The following VWA8 variants were observed in gnomAD, a reference collection of about 807,000 sequenced individuals.
VWA8 encodes the protein von Willebrand factor A domain-containing protein 8.
VWA8 carries 221 observed loss-of-function variants against 241.5 expected under a neutral mutation model. That is an observed-to-expected ratio of 0.91 (90% CI 0.82 to 1.02). The LOEUF (loss-of-function observed/expected upper bound fraction) is 1.02, where lower values mean the gene tolerates loss of function less well. VWA8 is among the 50% of genes least tolerant of loss of function. VWA8 has a pLI of 0.00. For synonymous variants in VWA8, 852 were observed against 827.1 expected, an observed-to-expected ratio of 1.03 and a Z score of -0.52; for missense variants, 2,322 against 2,328.7, an observed-to-expected ratio of 1.00 and a Z score of 0.06.
At chr13:41,872,951 C>T (rs1873707947) in intron 9 of VWA8, among the ~76,000 whole-genome samples, 1 of 152,114 alleles carries the variant, frequency 6.6e-6, no homozygotes, top group Non-Finnish European at 1.5e-5. Flanking sequence ...ATGGAATGTT[C>T]TTCCATTTGT....
At chr13:41,923,655 G>T (rs1250178665) in intron 2 of VWA8, among the ~76,000 whole-genome samples, 8 of 152,002 alleles carry the variant, frequency 5.3e-5, no homozygotes, top group Non-Finnish European at 1.0e-4. Context: ...CCTCATCTAA[G>T]ACTCTCCATT....
chr13:41,589,295 G>A (rs535452612), intron 41 of VWA8, among the ~76,000 whole-genome samples: 2 of 152,188 alleles, frequency 1.3e-5, no homozygotes, highest in East Asian at 3.9e-4. Context: ...TAAGGGAGAC[G>A]TTCTTATTTT....
At chr13:41,688,734 C>A (rs902560619) in intron 34 of VWA8, among the ~76,000 whole-genome samples, 1 of 151,932 alleles carries the variant, frequency 6.6e-6, no homozygotes, top group African/African-American at 2.4e-5. Flanking sequence ...GAACAAAAAA[C>A]CAAATATCAC....
chr13:41,884,579 G>GAAA (rs11441652), intron 8 of VWA8, among the ~76,000 whole-genome samples: 1 of 145,234 alleles, frequency 6.9e-6, no homozygotes. Flanking sequence ...AATGGTTCAG[G>GAAA]AAAAAAAAAA....
In VWA8 at chr13:41,690,300, T is replaced by C. The variant is rs781736517; in HGVS notation, c.3867-25A>G. The C allele has an allele frequency of 3.2e-6, 5 of 1,585,066 alleles. No homozygotes were observed. The Admixed American group carries it at 9.0e-5, about 29-fold the overall frequency. ...CCTGCAAACAAACAAAACATCTAGC[T>C]TAAGTGAAATTTTTCTTTTTCTAAT... On this transcript the variant is annotated intron_variant, in intron 32 of 44. Transcript: ENST00000379310.
chr13:41,599,707 G>T (rs538718773), intron 40 of VWA8, among the ~76,000 whole-genome samples: 2 of 152,076 alleles, frequency 1.3e-5, no homozygotes, highest in African/African-American at 4.8e-5. Context: ...TTGAAACTGC[G>T]GACAGTCCCA....
chr13:41,687,603 G>A (rs71427491), intron 34 of VWA8, among the ~76,000 whole-genome samples: 3,066 of 152,138 alleles, frequency 0.02, 68 homozygotes, highest in African/African-American at 0.058. Flanking sequence ...TGTGGCCTAG[G>A]GGATATAAGC....
At chr13:41,907,487 C>T in intron 4 of VWA8, 99 bp downstream of exon 4, 3 of 1,007,242 alleles carry the variant, frequency 3.0e-6, no homozygotes, top group Non-Finnish European at 4.6e-6. Context: ...AATACAACTA[C>T]CTTTTACTGT....
intron 29 of VWA8, among the ~76,000 whole-genome samples, chr13:41,694,076 C>A (rs1318835399): frequency 3.3e-5 from 5 of 151,770 alleles, no homozygotes; most frequent in African/African-American, 1.2e-4. Context: ...AGTGTTTGTT[C>A]ATTTTTTCCA....
At chr13:41,705,705 T>C (rs1408868832) in intron 26 of VWA8, among the ~76,000 whole-genome samples, 1 of 152,204 alleles carries the variant, frequency 6.6e-6, no homozygotes, top group East Asian at 1.9e-4. Context: ...TTGATATTAA[T>C]TTCTTCATTT....
At chr13:41,570,321 T>C in intron 44 of VWA8, 147 bp downstream of exon 44, 1 of 626,150 alleles carries the variant, frequency 1.6e-6, no homozygotes, top group South Asian at 2.6e-5. Flanking sequence ...AACTAGATTA[T>C]AAACCCCTTG....
rs1453609784 is a variant in VWA8 at position 41,567,871 on chromosome 13, T to G, written c.*326A>C. 1 of 214,094 alleles carries G rather than the reference T, an allele frequency of 4.7e-6. No individual in the cohort carries two copies. The highest frequency in any genetic ancestry group is 9.2e-6 in the Non-Finnish European group (1 of 108,632). 13.3% of individuals were successfully genotyped at this position (214,094 alleles called of 1,614,324 possible). On this transcript the variant is annotated 3_prime_UTR_variant, in exon 45 of 45. Coordinates refer to ENST00000379310, the MANE Select transcript of VWA8 (RefSeq NM_015058.2). Reference sequence around the variant, plus strand: ...GTGTTAAGGCAAAAGCAAAGTATTTTCTCCCCCTCAGGTTTTTGGAAATAG... The same window carrying G: ...GTGTTAAGGCAAAAGCAAAGTATTTGCTCCCCCTCAGGTTTTTGGAAATAG...
chr13:41,792,632 C>G (rs1227660032), intron 17 of VWA8, among the ~76,000 whole-genome samples: 1 of 151,996 alleles, frequency 6.6e-6, no homozygotes, highest in Non-Finnish European at 1.5e-5. Flanking sequence ...ACCAGCTTGT[C>G]AAATTCACTA....
rs754632242 is a variant in VWA8 at position 41,703,288 on chromosome 13, A to G, written c.3225+15T>C. 1.9e-6 allele frequency: 3 copies of G among 1,598,898 alleles called. No individual in the cohort carries two copies. The Admixed American group carries it at 5.0e-5, about 27-fold the overall frequency. Reference sequence around the variant, plus strand: ...AAGGTTCAATATTTTAAGAGAGAATAATGATGATATCAACCTTTATGTCTA... The same window carrying G: ...AAGGTTCAATATTTTAAGAGAGAATGATGATGATATCAACCTTTATGTCTA... On this transcript the variant is annotated intron_variant, in intron 27 of 44. Transcript: ENST00000379310.
intron 17 of VWA8, among the ~76,000 whole-genome samples, chr13:41,797,298 C>T (rs1447099828): frequency 6.6e-6 from 1 of 151,982 alleles, no homozygotes; most frequent in Non-Finnish European, 1.5e-5. Flanking sequence ...CCTCGGCCTC[C>T]CAAAGTGCTG....
intron 4 of VWA8, among the ~76,000 whole-genome samples, chr13:41,899,929 G>A (rs1350797541): frequency 6.6e-6 from 1 of 152,156 alleles, no homozygotes; most frequent in African/African-American, 2.4e-5. Context: ...CAATCTCGAA[G>A]TATTCTTGTT....
chr13:41,784,749 T>TACACACAC (rs1869102913), intron 18 of VWA8, among the ~76,000 whole-genome samples: 9 of 108,124 alleles, frequency 8.3e-5, no homozygotes, highest in Non-Finnish European at 1.4e-4. Flanking sequence ...TATATATATA[T>TACACACAC]ATATATATAT....
Position 41,587,681 on chromosome 13 carries a change from G to A in VWA8, c.5113-11C>T, listed in dbSNP as rs1221987291. The A allele has an allele frequency of 6.2e-7, 1 of 1,613,110 alleles. No homozygotes were observed. Among genetic ancestry groups the A allele is most frequent in the Non-Finnish European group, 8.5e-7 (1 of 1,179,404 alleles). Reference sequence around the variant, plus strand: ...TTGTGGGCTGCCAAGCTGAGGGAAGGAATAACAGAAAAGCCGTTTGTGAAC... The same window carrying A: ...TTGTGGGCTGCCAAGCTGAGGGAAGAAATAACAGAAAAGCCGTTTGTGAAC... On this transcript the variant is annotated splice_polypyrimidine_tract_variant and intron_variant, in intron 41 of 44. Coordinates refer to ENST00000379310, the MANE Select transcript of VWA8 (RefSeq NM_015058.2).
chr13:41,682,244 G>A (rs939218485), intron 35 of VWA8, among the ~76,000 whole-genome samples: 1 of 152,094 alleles, frequency 6.6e-6, no homozygotes, highest in Non-Finnish European at 1.5e-5. Context: ...TTTCAGCAGA[G>A]GTCTAAAGGC....
Sources: gnomAD v4.1 joint callset for allele counts (sites outside exome capture counted in the v4.1 genomes callset) on GRCh38, gnomAD v4.1.1 for gene constraint, MANE v1.5 for transcripts, NCBI Gene and HGNC (gene_info 2026-07-23, HGNC 2026-07-21) for gene names.